Variants in TANC2 observed in about 807,000 individuals in gnomAD.
TANC2 encodes the protein tetratricopeptide repeat, ankyrin repeat and coiled-coil containing 2.
In TANC2, 26 loss-of-function variants were observed where a neutral mutation model predicts 210.5. The observed-to-expected ratio is 0.12, with a 90% confidence interval of 0.09 to 0.17. The LOEUF is 0.17. Among genes scored for constraint, TANC2 ranks in the 10% least tolerant of loss-of-function variants. The pLI, the probability that TANC2 is intolerant of heterozygous loss-of-function variation, is 1.00. For synonymous variants in TANC2, 931 were observed against 967.1 expected (o/e 0.96, Z 0.69); for missense variants, 2,129 against 2,608.9 (o/e 0.82, Z 4.01).
chr17:63,298,784 G>T (rs1452232006), intron 9 of TANC2, among the ~76,000 whole-genome samples: 2 of 152,036 alleles, frequency 1.3e-5, no homozygotes, highest in African/African-American at 4.8e-5. Flanking sequence ...TTAAGTTCCA[G>T]GATACAAGTG....
chr17:63,385,145 G>A (rs1401772290), intron 15 of TANC2, among the ~76,000 whole-genome samples: 2 of 152,178 alleles, frequency 1.3e-5, no homozygotes. Flanking sequence ...CACAGAACCT[G>A]ACACATTGTA....
At position 63,127,244 on chromosome 17, in the gene TANC2, A is replaced by C. The variant is rs1378588914; in HGVS notation, c.323-24026A>C. Among the ~76,000 whole-genome samples the C allele has an allele frequency of 2.0e-5, 3 of 152,158 alleles. No homozygotes were observed. In the South Asian group the frequency reaches 6.2e-4, roughly 32 times the overall value. ...TTGCTTTAATGAACCATTTTTGTAG[A>C]TATATTAATGTCTAGTCTAGTTTAT... On this transcript the variant is annotated intron_variant, in intron 4 of 27. Coordinates refer to ENST00000689528, the Ensembl canonical transcript of TANC2.
exon 28 of TANC2, chr17:63,427,188 T>G (rs1306414580): frequency 6.6e-6 from 1 of 152,294 alleles, no homozygotes; most frequent in Non-Finnish European, 1.5e-5. Context: ...ACAGCATCTT[T>G]GTCTCTGTTC....
intron 3 of TANC2, among the ~76,000 whole-genome samples, chr17:63,093,528 C>G (rs1311109753): frequency 6.6e-6 from 1 of 151,998 alleles, no homozygotes; most frequent in Non-Finnish European, 1.5e-5. Flanking sequence ...CATAGTAGGT[C>G]TTGAAATTAT....
At chr17:63,274,329 A>G (rs1478463689) in intron 9 of TANC2, among the ~76,000 whole-genome samples, 1 of 152,130 alleles carries the variant, frequency 6.6e-6, no homozygotes, top group East Asian at 1.9e-4. Context: ...GTCCAAAGCA[A>G]CTTAACAGAT....
intron 4 of TANC2, among the ~76,000 whole-genome samples, chr17:63,112,118 G>T (rs2038073736): frequency 6.6e-6 from 1 of 152,156 alleles, no homozygotes; most frequent in Non-Finnish European, 1.5e-5. Flanking sequence ...CATTTTTAAA[G>T]AAATGTTTGC....
At chr17:62,994,500 G>A (rs998442751) in intron 1 of TANC2, among the ~76,000 whole-genome samples, 4 of 152,074 alleles carry the variant, frequency 2.6e-5, no homozygotes, top group African/African-American at 9.7e-5. Context: ...TTTTATAGAT[G>A]CCATTTATCA....
chr17:63,119,801 G>A (rs2145118125), intron 4 of TANC2, among the ~76,000 whole-genome samples: 1 of 152,230 alleles, frequency 6.6e-6, no homozygotes, highest in South Asian at 2.1e-4. Context: ...GATCCCTTGA[G>A]GCCAGGAGTT....
intron 2 of TANC2, among the ~76,000 whole-genome samples, chr17:63,013,979 T>C (rs906046500): frequency 6.6e-6 from 1 of 152,008 alleles, no homozygotes; most frequent in Non-Finnish European, 1.5e-5. Flanking sequence ...CTCTTAACAT[T>C]TTCTCTTAAT....
At chr17:63,170,389 C>T (rs1396397015) in intron 5 of TANC2, among the ~76,000 whole-genome samples, 13 of 149,572 alleles carry the variant, frequency 8.7e-5, no homozygotes, top group South Asian at 2.1e-4. Context: ...AAGCCGAGAT[C>T]GTGCCACTGC....
chr17:63,160,378 C>T (rs2039986310), intron 5 of TANC2, among the ~76,000 whole-genome samples: 1 of 152,016 alleles, frequency 6.6e-6, no homozygotes, highest in Non-Finnish European at 1.5e-5. Flanking sequence ...CATCGCTACA[C>T]AAAATTAAAA....
chr17:63,337,312 C>T (rs1190776722), intron 11 of TANC2, among the ~76,000 whole-genome samples: 1 of 151,926 alleles, frequency 6.6e-6, no homozygotes, highest in Admixed American at 6.6e-5. Flanking sequence ...AATTTTCTGC[C>T]TCATACCTTT....
intron 3 of TANC2, chr17:63,088,695 T>G (rs1209474598): frequency 6.6e-6 from 1 of 152,216 alleles, no homozygotes; most frequent in Non-Finnish European, 1.5e-5. Flanking sequence ...AAGAGCTGTT[T>G]TTGAAGAAAT....
At chr17:63,039,250 A>T (rs373359875) in intron 2 of TANC2, among the ~76,000 whole-genome samples, 1 of 152,174 alleles carries the variant, frequency 6.6e-6, no homozygotes, top group South Asian at 2.1e-4. Context: ...TTAGAAATAC[A>T]TTTCTCTTTT....
intron 14 of TANC2, among the ~76,000 whole-genome samples, chr17:63,375,978 A>G (rs146877611): frequency 1.5e-4 from 22 of 151,666 alleles, no homozygotes; most frequent in South Asian, 2.1e-4. Context: ...AATCCCAGCT[A>G]TTTGGGAGGC....
Position 63,099,227 on chromosome 17 carries a change from G to A in TANC2, c.192G>A (p.Pro64=), listed in dbSNP as rs766121484. ...CTTTTGAGCCAGACTACGCTGTCCC[G>A]CCACTTCCAGTGAGTGAAGGTATGC... Residue 64 remains proline (P), a synonymous_variant, in exon 4 of 28, where the codon CCG becomes CCA. Coordinates refer to ENST00000689528, the Ensembl canonical transcript of TANC2. 2.5e-6 allele frequency: 4 copies of A among 1,609,996 alleles called. No homozygotes were observed. In the South Asian group the frequency reaches 3.3e-5, roughly 13 times the overall value.
intron 10 of TANC2, among the ~76,000 whole-genome samples, chr17:63,316,727 C>A (rs1028989975): frequency 1.3e-5 from 2 of 152,120 alleles, no homozygotes; most frequent in African/African-American, 4.8e-5. Context: ...ATTTTTGTTA[C>A]AATTTATTGA....
chr17:63,019,062 G>A (rs1455493978), intron 2 of TANC2, among the ~76,000 whole-genome samples: 2 of 152,096 alleles, frequency 1.3e-5, no homozygotes, highest in African/African-American at 4.8e-5. Flanking sequence ...GCAAATGTCC[G>A]GGAGTGCAAT....
chr17:63,191,556 G>A (rs897047846), intron 5 of TANC2, among the ~76,000 whole-genome samples: 2 of 151,944 alleles, frequency 1.3e-5, no homozygotes, highest in African/African-American at 4.8e-5. Flanking sequence ...TCGGCCTCCT[G>A]GGTTCAAGCA....
Sources: gnomAD v4.1 joint callset for allele counts (sites outside exome capture counted in the v4.1 genomes callset) on GRCh38, gnomAD v4.1.1 for gene constraint, MANE v1.5 for transcripts, NCBI Gene and HGNC (gene_info 2026-07-23, HGNC 2026-07-21) for gene names.